The following TMEM117 variants were observed in gnomAD, a reference collection of about 807,000 sequenced individuals.
The protein encoded by TMEM117 is transmembrane protein 117.
Under a neutral mutation model 52.4 loss-of-function variants are expected in TMEM117, and 27 were observed. The ratio of observed to expected loss-of-function variants is 0.51; its 90% CI spans 0.38 to 0.71. The LOEUF (loss-of-function observed/expected upper bound fraction) is 0.71. Ranked by LOEUF, TMEM117 falls within the 30% of genes least tolerant of loss-of-function variation. TMEM117 has a pLI of 0.00. For synonymous variants in TMEM117, 215 were observed against 206.3 expected (o/e 1.04, Z -0.36); for missense variants, 556 against 630.5 (o/e 0.88, Z 1.26).
At chr12:44,074,112 C>T (rs1310375731) in intron 3 of TMEM117, among the ~76,000 whole-genome samples, 2 of 152,016 alleles carry the variant, frequency 1.3e-5, no homozygotes, top group East Asian at 1.9e-4. Flanking sequence ...TTTGATTTTA[C>T]AAAGCCACAA....
At chr12:43,898,447 G>T (rs1236067550) in intron 2 of TMEM117, among the ~76,000 whole-genome samples, 1 of 151,192 alleles carries the variant, frequency 6.6e-6, no homozygotes, top group Non-Finnish European at 1.5e-5. Flanking sequence ...ATGATTAATA[G>T]ACCCTTTCTA....
chr12:44,373,327 C>CTGAGG (rs1271792462), intron 6 of TMEM117, among the ~76,000 whole-genome samples: 2 of 152,214 alleles, frequency 1.3e-5, no homozygotes, highest in East Asian at 3.9e-4. Flanking sequence ...CAGCCCTGTT[C>CTGAGG]CAGGTGCCCT....
chr12:44,097,022 AAAAC>A (rs1319262915), intron 3 of TMEM117, among the ~76,000 whole-genome samples: 10 of 152,206 alleles, frequency 6.6e-5, no homozygotes, highest in South Asian at 2.1e-4. Flanking sequence ...TTACAAGAAA[AAAAC>A]AAACAACCTC....
At chr12:43,846,436 A>C (rs1004974341) in intron 2 of TMEM117, among the ~76,000 whole-genome samples, 5 of 152,338 alleles carry the variant, frequency 3.3e-5, no homozygotes, top group African/African-American at 1.2e-4. Flanking sequence ...CCTGGTCTCA[A>C]GTTTAAACTC....
rs1950814443 is a variant in TMEM117, at chr12:44,299,661, A to G, written c.690A>G (p.Gly230=). ...DWISWDKLNR[G]FLPSDEVSRA... ...TCAGCTGGGACAAGCTGAATCGGGG[A>G]TTTTTGCCCAGTGATGAAGTTTCCA... The change falls in exon 6 of 8, where the codon GGA becomes GGG. Residue 230 remains glycine, a synonymous_variant. Coordinates refer to ENST00000266534, the MANE Select transcript of TMEM117 (RefSeq NM_032256.3). The G allele has an allele frequency of 1.2e-6, 2 of 1,613,958 alleles. No homozygotes were observed. The highest frequency in any genetic ancestry group is 1.7e-5 in the Admixed American group (1 of 60,006).
At chr12:44,092,410 G>T (rs947523736) in intron 3 of TMEM117, among the ~76,000 whole-genome samples, 2 of 152,176 alleles carry the variant, frequency 1.3e-5, no homozygotes, top group African/African-American at 4.8e-5. Context: ...ATCAGAGCTT[G>T]ACATTTAGAA....
At chr12:44,233,384 T>G (rs1949956258) in intron 5 of TMEM117, among the ~76,000 whole-genome samples, 1 of 151,324 alleles carries the variant, frequency 6.6e-6, no homozygotes, top group Admixed American at 6.6e-5. Flanking sequence ...TAAATCACAT[T>G]TATTTATTTT....
intron 3 of TMEM117, among the ~76,000 whole-genome samples, chr12:43,951,422 C>A (rs1375553392): frequency 6.6e-6 from 1 of 152,192 alleles, no homozygotes. Context: ...GCACAGCAGT[C>A]TCGAATCTGC....
At chr12:44,177,624 C>G (rs1323250546) in intron 4 of TMEM117, among the ~76,000 whole-genome samples, 1 of 152,086 alleles carries the variant, frequency 6.6e-6, no homozygotes, top group Non-Finnish European at 1.5e-5. Flanking sequence ...ATTCACCATG[C>G]TTCAGGAAAG....
chr12:44,089,545 G>A (rs1443537207), intron 3 of TMEM117, among the ~76,000 whole-genome samples: 1 of 152,048 alleles, frequency 6.6e-6, no homozygotes, highest in East Asian at 1.9e-4. Flanking sequence ...AGCCAGGTTG[G>A]CTTCTGTATT....
At chr12:43,803,961 C>A in the TMEM117 span, among the ~76,000 whole-genome samples, 1 of 152,180 alleles carries the variant, frequency 6.6e-6, no homozygotes, top group South Asian at 2.1e-4. Flanking sequence ...TCCCACTCAA[C>A]CAGATTCCCT....
At chr12:44,258,678 A>T (rs931559328) in intron 5 of TMEM117, among the ~76,000 whole-genome samples, 2 of 152,166 alleles carry the variant, frequency 1.3e-5, no homozygotes, top group Non-Finnish European at 2.9e-5. Flanking sequence ...TCACAATTCA[A>T]TAGTCAGGGT....
intron 2 of TMEM117, among the ~76,000 whole-genome samples, chr12:43,895,646 T>G (rs1944187905): frequency 6.6e-6 from 1 of 152,098 alleles, no homozygotes; most frequent in South Asian, 2.1e-4. Flanking sequence ...GTGGAGAAAA[T>G]TTGCCAGTCT....
intron 2 of TMEM117, among the ~76,000 whole-genome samples, chr12:43,862,887 A>G (rs543546934): frequency 1.3e-5 from 2 of 152,326 alleles, no homozygotes; most frequent in South Asian, 4.1e-4. Flanking sequence ...GAATCGCTTG[A>G]ACCTGGGAGG....
At chr12:44,260,709 C>T (rs575112627) in intron 5 of TMEM117, among the ~76,000 whole-genome samples, 110 of 152,254 alleles carry the variant, frequency 7.2e-4, no homozygotes, top group Middle Eastern at 3.4e-3. Flanking sequence ...TATCTGTTTA[C>T]GGATAGAGAT....
chr12:44,180,361 T>C (rs951017068), intron 4 of TMEM117, among the ~76,000 whole-genome samples: 1 of 152,132 alleles, frequency 6.6e-6, no homozygotes, highest in Non-Finnish European at 1.5e-5. Flanking sequence ...TCTTTTTTTT[T>C]TTTTATTATA....
intron 6 of TMEM117, among the ~76,000 whole-genome samples, chr12:44,345,666 G>A (rs1018863471): frequency 5.3e-5 from 8 of 152,050 alleles, no homozygotes; most frequent in Non-Finnish European, 8.8e-5. Context: ...ACAAAAATCC[G>A]TGGAGATTAA....
At chr12:44,131,506 C>T (rs1948413451) in intron 3 of TMEM117, among the ~76,000 whole-genome samples, 1 of 152,084 alleles carries the variant, frequency 6.6e-6, no homozygotes, top group African/African-American at 2.4e-5. Context: ...GCAGAGTTTG[C>T]TCATCCTCTT....
chr12:44,288,925 T>A (rs1315772370), intron 5 of TMEM117, among the ~76,000 whole-genome samples: 1 of 152,164 alleles, frequency 6.6e-6, no homozygotes, highest in African/African-American at 2.4e-5. Context: ...AACTTCAGTA[T>A]TATTAATTAT....
Sources: allele counts gnomAD v4.1 joint callset (sites outside exome capture counted in the v4.1 genomes callset), GRCh38; gene constraint gnomAD v4.1.1; transcripts MANE v1.5; gene names NCBI Gene and HGNC (gene_info 2026-07-23, HGNC 2026-07-21).